PLCB4: variants seen among roughly 807,000 people sequenced by gnomAD.
PLCB4 encodes the protein 1-phosphatidylinositol 4,5-bisphosphate phosphodiesterase beta-4.
In PLCB4, 77 loss-of-function variants were observed where a neutral mutation model predicts 178.8. The ratio of observed to expected loss-of-function variants is 0.43; its 90% CI spans 0.36 to 0.52. PLCB4 has a LOEUF of 0.52. Among genes scored for constraint, PLCB4 ranks in the 20% least tolerant of loss-of-function variants. The probability of loss-of-function intolerance (pLI) is 0.00; values close to 1 mark genes in which losing one functional copy is unlikely to be tolerated. For missense variants in PLCB4, 1,024 were observed against 1,453.4 expected, an observed-to-expected ratio of 0.70 and a Z score of 4.80; for synonymous variants, 496 against 490.8, an observed-to-expected ratio of 1.01 and a Z score of -0.14.
intron 7 of PLCB4, among the ~76,000 whole-genome samples, chr20:9,358,333 CAG>C (rs2035018670): frequency 6.6e-6 from 1 of 152,206 alleles, no homozygotes. Flanking sequence ...TCTGTGAAAA[CAG>C]AGAGCCAAAC....
chr20:9,148,903 A>G (rs1204555008), intron 2 of PLCB4, among the ~76,000 whole-genome samples: 1 of 152,214 alleles, frequency 6.6e-6, no homozygotes, highest in Non-Finnish European at 1.5e-5. Flanking sequence ...ATATAGAAAC[A>G]TGCCTTGTAA....
At chr20:9,282,983 C>A (rs190998275) in intron 3 of PLCB4, among the ~76,000 whole-genome samples, 1 of 152,098 alleles carries the variant, frequency 6.6e-6, no homozygotes, top group African/African-American at 2.4e-5. Flanking sequence ...CAAAGCAAGT[C>A]ACATGTCTAA....
At position 9,083,360 on chromosome 20, in the gene PLCB4, T is replaced by TAC. The variant is rs1038057491; in HGVS notation, c.-134-12914_-134-12913dup. Among the ~76,000 whole-genome samples, 16 of 129,774 alleles carry TAC rather than the reference T, an allele frequency of 1.2e-4. No individual in the cohort carries two copies. In the South Asian group the frequency reaches 1.2e-3, roughly 10 times the overall value. The allele number at this position is 129,774 out of a possible 152,430, so 85.1% of individuals were successfully genotyped here. A position where few individuals can be genotyped will look rare whatever the true frequency, so the allele number is the denominator to read the frequency against. On this transcript the variant is annotated intron_variant, in intron 1 of 39. Coordinates refer to ENST00000378473, the MANE Select transcript of PLCB4 (RefSeq NM_001377142.1). Reference sequence around the variant, plus strand: ...CCCTCAGAAAGGAAGTCTCTTTCTCTACACACACACACACTCATACACACA... The same window carrying TAC: ...CCCTCAGAAAGGAAGTCTCTTTCTCTACACACACACACACACTCATACACACA...
chr20:9,364,164 T>C (rs2035583443), intron 8 of PLCB4, among the ~76,000 whole-genome samples: 1 of 152,248 alleles, frequency 6.6e-6, no homozygotes, highest in Non-Finnish European at 1.5e-5. Context: ...GCTTCTTCTT[T>C]TCCTCTGCAG....
At chr20:9,394,634 A>C (rs1188364043) in intron 18 of PLCB4, among the ~76,000 whole-genome samples, 3 of 152,174 alleles carry the variant, frequency 2.0e-5, no homozygotes, top group Non-Finnish European at 4.4e-5. Context: ...AACGAGTCCC[A>C]AGTTGATGGA....
At chr20:9,098,390 A>C (rs2090999326) in intron 2 of PLCB4, among the ~76,000 whole-genome samples, 1 of 152,102 alleles carries the variant, frequency 6.6e-6, no homozygotes, top group Non-Finnish European at 1.5e-5. Flanking sequence ...AAAAAATTCG[A>C]CTTTCAACTA....
chr20:9,358,479 T>C lies in PLCB4; in HGVS notation c.370-4417T>C, dbSNP rs150842941. ...TTTGACTAAAGACGAAAAATAATTC[T>C]TCAGGATCAAAACCTAGAGATAAGA... On this transcript the variant is annotated intron_variant, in intron 7 of 39. Coordinates refer to ENST00000378473, the MANE Select transcript of PLCB4 (RefSeq NM_001377142.1). Among the ~76,000 whole-genome samples, 142 of 152,336 alleles carry C rather than the reference T, an allele frequency of 9.3e-4. 1 individual carries two copies. Among genetic ancestry groups the C allele is most frequent in the African/African-American group, 2.6e-3 (107 of 41,584 alleles).
chr20:9,130,158 G>A (rs935874210), intron 2 of PLCB4, among the ~76,000 whole-genome samples: 3 of 152,128 alleles, frequency 2.0e-5, no homozygotes, highest in Admixed American at 6.6e-5. Context: ...CAGTGTCTTT[G>A]GGGGTGTCTG....
chr20:9,210,307 G>A (rs188193985), intron 2 of PLCB4, among the ~76,000 whole-genome samples: 49 of 152,274 alleles, frequency 3.2e-4, no homozygotes, highest in East Asian at 1.2e-3. Context: ...ATGCTTTCTC[G>A]GGAGGGGAAA....
At chr20:9,166,551 G>A (rs2092975255) in intron 2 of PLCB4, 1 of 152,104 alleles carries the variant, frequency 6.6e-6, no homozygotes, top group African/African-American at 2.4e-5. Flanking sequence ...AATTCATCCC[G>A]AGGCTCCTGC....
At chr20:9,098,917 G>GTA (rs1037386533) in intron 2 of PLCB4, among the ~76,000 whole-genome samples, 68 of 148,660 alleles carry the variant, frequency 4.6e-4, no homozygotes, top group African/African-American at 1.3e-3. Flanking sequence ...GTCTGGCGAC[G>GTA]TATATATATA....
At chr20:9,307,697 A>G (rs763634567) in intron 3 of PLCB4, 103 bp from the exon 4 acceptor site, 10 of 515,908 alleles carry the variant, frequency 1.9e-5, no homozygotes, top group Admixed American at 3.8e-5. Context: ...TATTCCACAT[A>G]TTTAAAGTAA....
In PLCB4 at chr20:9,300,009, G is replaced by A. The variant is rs193117880; in HGVS notation, c.-15-7791G>A. Among the ~76,000 whole-genome samples, 772 of 152,200 alleles carry A rather than the reference G, an allele frequency of 5.1e-3. 7 individuals are homozygous for A. Among genetic ancestry groups the A allele is most frequent in the Non-Finnish European group, 8.3e-3 (563 of 67,994 alleles). The stretch of plus-strand genomic sequence containing the variant: ...TGGAGGTATTTTTGCAAATGGGGAA[G>A]TTATCCCTAATGATACAATATATTA... On this transcript the variant is annotated intron_variant, in intron 3 of 39. Coordinates refer to ENST00000378473, the MANE Select transcript of PLCB4 (RefSeq NM_001377142.1).
chr20:9,229,725 T>C (rs1258500495), intron 3 of PLCB4, among the ~76,000 whole-genome samples: 1 of 152,072 alleles, frequency 6.6e-6, no homozygotes, highest in Non-Finnish European at 1.5e-5. Context: ...TTCAGGGGCA[T>C]ATGTGCAGGA....
intron 1 of PLCB4, among the ~76,000 whole-genome samples, chr20:9,073,210 C>T (rs992266343): frequency 6.6e-6 from 1 of 152,164 alleles, no homozygotes; most frequent in Admixed American, 6.5e-5. Flanking sequence ...TCCTTAGAAA[C>T]AGGAAGAAAA....
chr20:9,187,852 T>C (rs571538995), intron 2 of PLCB4, among the ~76,000 whole-genome samples: 10 of 152,324 alleles, frequency 6.6e-5, no homozygotes, highest in Non-Finnish European at 1.2e-4. Context: ...TTCCTCTTAC[T>C]ATTCTCCATG....
chr20:9,336,997 C>T lies in PLCB4; in HGVS notation c.85-129C>T, dbSNP rs1403511693. The T allele has an allele frequency of 7.7e-6, 5 of 649,746 alleles. No homozygotes were observed. The South Asian group carries it at 9.3e-5, about 12-fold the overall frequency. The allele number at this position is 649,746 out of a possible 1,614,324, so 40.2% of individuals were successfully genotyped here. On this transcript the variant is annotated intron_variant, in intron 4 of 39. Transcript: ENST00000378473. The stretch of plus-strand genomic sequence containing the variant: ...TTCAAAATGAAAACATTCCATAATA[C>T]AATAAGAATTGTGGATATTACATAC...
chr20:9,202,713 A>G (rs1368364306), intron 2 of PLCB4, among the ~76,000 whole-genome samples: 1 of 152,176 alleles, frequency 6.6e-6, no homozygotes, highest in Non-Finnish European at 1.5e-5. Flanking sequence ...TTGTCCTGCA[A>G]CTTCGAATTT....
intron 21 of PLCB4, among the ~76,000 whole-genome samples, chr20:9,405,747 T>G (rs1217501529): frequency 1.3e-5 from 2 of 152,238 alleles, no homozygotes; most frequent in Non-Finnish European, 2.9e-5. Flanking sequence ...CTATTGGCCT[T>G]ATTGTAGGAA....
Sources: allele counts gnomAD v4.1 joint callset (sites outside exome capture counted in the v4.1 genomes callset), GRCh38; gene constraint gnomAD v4.1.1; transcripts MANE v1.5; gene names NCBI Gene and HGNC (gene_info 2026-07-23, HGNC 2026-07-21).